PRPF4: variants seen among roughly 807,000 people sequenced by gnomAD.
The protein encoded by PRPF4 is U4/U6 small nuclear ribonucleoprotein Prp4.
A neutral mutation model predicts 72.2 loss-of-function variants in PRPF4; 14 were observed. The observed-to-expected ratio is 0.19, with a 90% CI of 0.13 to 0.30. The LOEUF is 0.30. Ranked by LOEUF, PRPF4 falls within the 10% of genes least tolerant of loss-of-function variation. PRPF4 has a pLI of 1.00. For missense variants in PRPF4, 478 were observed against 653.9 expected (o/e 0.73, Z 2.93); for synonymous variants, 225 against 232.2 (o/e 0.97, Z 0.28).
rs755678068 is a variant in PRPF4 at position 113,284,246 on chromosome 9, A to T, written c.655-49A>T. 1.7e-5 allele frequency: 23 copies of T among 1,377,486 alleles called. No individual in the cohort carries two copies. The African/African-American group carries it at 3.0e-4, about 18-fold the overall frequency. 85.3% of individuals were successfully genotyped at this position (1,377,486 alleles called of 1,614,324 possible). ...ATGGTGGAAAAGCAAAGGAGCTCTT[A>T]GATTAACCTATTAATGATCACCGTG... On this transcript the variant is annotated intron_variant, in intron 6 of 13. Coordinates refer to ENST00000374198, the MANE Select transcript of PRPF4 (RefSeq NM_001244926.2).
At chr9:113,284,986 A>G (rs901585801) in intron 7 of PRPF4, among the ~76,000 whole-genome samples, 1 of 152,110 alleles carries the variant, frequency 6.6e-6, no homozygotes, top group Non-Finnish European at 1.5e-5. Flanking sequence ...GGAAACTTAG[A>G]TTGAATACAC....
At chr9:113,285,410 A>G (rs1215324374) in intron 7 of PRPF4, among the ~76,000 whole-genome samples, 1 of 105,256 alleles carries the variant, frequency 9.5e-6, no homozygotes, top group Non-Finnish European at 1.7e-5. Context: ...ACGGAGTGTC[A>G]CACTTTCGGC....
chr9:113,290,227 G>GA (rs368444718), intron 10 of PRPF4, among the ~76,000 whole-genome samples: 22,238 of 136,252 alleles, frequency 0.16, 2,129 homozygotes, highest in Non-Finnish European at 0.23. Context: ...CTCAAAAGAA[G>GA]AAAAAAAAAA....
At chr9:113,284,452 G>A (rs1235480890) in intron 7 of PRPF4, 63 bp downstream of exon 7, 10 of 1,373,372 alleles carry the variant, frequency 7.3e-6, no homozygotes, top group Non-Finnish European at 1.0e-5. Context: ...AAGAAAATTA[G>A]CATTTGCGTT....
Position 113,279,108 on chromosome 9 carries a change from G to A in PRPF4, c.369G>A (p.Glu123=). 1.9e-6 allele frequency: 3 copies of A among 1,610,562 alleles called. No individual in the cohort carries two copies. Among genetic ancestry groups the A allele is most frequent in the Non-Finnish European group, 1.7e-6 (2 of 1,178,876 alleles). The change falls in exon 3 of 14, where the codon GAG becomes GAA. Residue 123 remains glutamate, a synonymous_variant. Coordinates refer to ENST00000374198, the MANE Select transcript of PRPF4 (RefSeq NM_001244926.2). ...ALGEPITLFG[E]GPAERRERLR... is the part of the protein sequence containing the mutation. The stretch of plus-strand genomic sequence containing the variant: ...GGGAACCCATCACACTTTTTGGAGA[G>A]GGTCCTGCTGAAAGAAGAGAAAGGT...
intron 7 of PRPF4, among the ~76,000 whole-genome samples, chr9:113,285,703 A>C (rs1409087299): frequency 6.6e-6 from 1 of 151,710 alleles, no homozygotes; most frequent in African/African-American, 2.4e-5. Context: ...AATTTATTTA[A>C]TTTTTTAAAA....
At chr9:113,290,337 T>C in intron 10 of PRPF4, 129 bp from the exon 11 acceptor site, 2 of 1,324,232 alleles carry the variant, frequency 1.5e-6, no homozygotes, top group South Asian at 2.7e-5. Context: ...AGGAGCTTCC[T>C]GTTAATATGG....
At chr9:113,277,915 A>G (rs1294007329) in intron 2 of PRPF4, among the ~76,000 whole-genome samples, 1 of 152,160 alleles carries the variant, frequency 6.6e-6, no homozygotes, top group African/African-American at 2.4e-5. Flanking sequence ...TGGGGGTTCA[A>G]GGCTGCAGTG....
intron 3 of PRPF4, among the ~76,000 whole-genome samples, chr9:113,280,867 G>A (rs981288633): frequency 2.0e-5 from 3 of 151,480 alleles, no homozygotes; most frequent in Non-Finnish European, 4.4e-5. Context: ...TTGAAACGGA[G>A]TCTCGCTCTG....
rs565394445 is a variant in PRPF4, at chr9:113,291,774, A to C, written c.*114A>C. On this transcript the variant is annotated 3_prime_UTR_variant, in exon 14 of 14. Coordinates refer to ENST00000374198, the MANE Select transcript of PRPF4 (RefSeq NM_001244926.2). ...ATGTTTTCTGCCAATTACCATGCAT[A>C]GACCCTCAGTAGAATTGGATTTCCA... is the stretch of plus-strand genomic sequence containing the variant. 3 of 1,051,896 alleles carry C rather than the reference A, an allele frequency of 2.9e-6. No homozygotes were observed. In the African/African-American group the frequency reaches 4.8e-5, roughly 17 times the overall value. The allele number at this position is 1,051,896 out of a possible 1,614,324, so 65.2% of individuals were successfully genotyped here.
intron 2 of PRPF4, 37 bp downstream of exon 2, chr9:113,276,762 G>T: frequency 6.4e-7 from 1 of 1,559,942 alleles, no homozygotes; most frequent in Non-Finnish European, 8.7e-7. Context: ...TTACCTCTTT[G>T]TGTAATGAAT....
At chr9:113,287,587 G>T (rs1028032303) in intron 9 of PRPF4, among the ~76,000 whole-genome samples, 9 of 152,132 alleles carry the variant, frequency 5.9e-5, no homozygotes, top group Admixed American at 1.3e-4. Context: ...TTTTACTTGA[G>T]AATTTTTATG....
Position 113,291,810 on chromosome 9 carries a change from C to T in PRPF4, c.*150C>T. 1.2e-6 allele frequency: 1 copy of T among 818,424 alleles called. No individual in the cohort carries two copies. The highest frequency in any genetic ancestry group is 1.9e-5 in the South Asian group (1 of 51,858). The allele number at this position is 818,424 out of a possible 1,614,324, so 50.7% of individuals were successfully genotyped here. On this transcript the variant is annotated 3_prime_UTR_variant, in exon 14 of 14. Coordinates refer to ENST00000374198, the MANE Select transcript of PRPF4 (RefSeq NM_001244926.2). ...AGAATTGGATTTCCATGTCAGCCCC[C>T]ACTCCAGGAAGGCAGCCCAATCCCT...
chr9:113,278,869 C>A, intron 2 of PRPF4, 76 bp from the exon 3 acceptor site: 2 of 1,459,320 alleles, frequency 1.4e-6, no homozygotes, highest in Non-Finnish European at 1.9e-6. Flanking sequence ...AGGGCATACA[C>A]AGACTGCAAT....
At chr9:113,286,907 A>G in intron 9 of PRPF4, 79 bp downstream of exon 9, 3 of 1,604,230 alleles carry the variant, frequency 1.9e-6, no homozygotes, top group Non-Finnish European at 2.6e-6. Flanking sequence ...GACCTCAGTA[A>G]AAATCTGGCA....
chr9:113,276,763 T>G (rs1215766069), intron 2 of PRPF4, 38 bp downstream of exon 2: 1 of 1,558,106 alleles, frequency 6.4e-7, no homozygotes. Context: ...TACCTCTTTG[T>G]GTAATGAATA....
At chr9:113,280,831 G>T (rs1832256947) in intron 3 of PRPF4, among the ~76,000 whole-genome samples, 1 of 152,050 alleles carries the variant, frequency 6.6e-6, no homozygotes, top group African/African-American at 2.4e-5. Flanking sequence ...GTCTTTTAGA[G>T]GCTTTTTTTC....
intron 10 of PRPF4, 110 bp downstream of exon 10, chr9:113,288,374 T>G (rs983652577): frequency 1.0e-6 from 1 of 976,336 alleles, no homozygotes; most frequent in Non-Finnish European, 1.6e-6. Flanking sequence ...GGTAGGATTT[T>G]CTTGGGCTGC....
At chr9:113,290,012 G>C (rs1469005493) in intron 10 of PRPF4, among the ~76,000 whole-genome samples, 1 of 152,166 alleles carries the variant, frequency 6.6e-6, no homozygotes, top group Non-Finnish European at 1.5e-5. Context: ...CTGAGCTCAG[G>C]AGTTCGAGAC....
Sources: gnomAD v4.1 joint callset for allele counts (sites outside exome capture counted in the v4.1 genomes callset) on GRCh38, gnomAD v4.1.1 for gene constraint, MANE v1.5 for transcripts, NCBI Gene and HGNC (gene_info 2026-07-23, HGNC 2026-07-21) for gene names.